Variants in MN1 observed in about 807,000 individuals in gnomAD.
MN1 encodes the protein transcriptional activator MN1.
In MN1, 19 loss-of-function variants were observed where a neutral mutation model predicts 86.9. That is an observed-to-expected ratio of 0.22 (90% CI 0.15 to 0.32). The LOEUF (loss-of-function observed/expected upper bound fraction) is 0.32, where lower values mean the gene tolerates loss of function less well. Ranked by LOEUF, MN1 falls within the 10% of genes least tolerant of loss-of-function variation. The probability of loss-of-function intolerance (pLI) is 1.00; values close to 1 mark genes in which losing one functional copy is unlikely to be tolerated. For missense variants in MN1, 1,841 were observed against 1,862.0 expected (o/e 0.99, Z 0.21); for synonymous variants, 928 against 849.6 (o/e 1.09, Z -1.60).
At chr22:27,781,023 C>A (rs1215680427) in intron 1 of MN1, among the ~76,000 whole-genome samples, 1 of 152,140 alleles carries the variant, frequency 6.6e-6, no homozygotes, top group Non-Finnish European at 1.5e-5. Flanking sequence ...CTCAACCTCC[C>A]AAGCTCAGAT....
chr22:27,784,456 G>A (rs1239175061), intron 1 of MN1, among the ~76,000 whole-genome samples: 2 of 152,220 alleles, frequency 1.3e-5, no homozygotes, highest in African/African-American at 4.8e-5. Context: ...AGACGCAGAG[G>A]AGGGAAGGTA....
intron 1 of MN1, among the ~76,000 whole-genome samples, chr22:27,764,366 G>C (rs939283997): frequency 1.3e-5 from 2 of 152,156 alleles, no homozygotes; most frequent in Non-Finnish European, 2.9e-5. Context: ...GGCTGGCCAG[G>C]TGCCCAAGGC....
At chr22:27,760,508 C>T (rs938697190) in intron 1 of MN1, among the ~76,000 whole-genome samples, 38 of 134,642 alleles carry the variant, frequency 2.8e-4, no homozygotes, top group African/African-American at 1.3e-3. Context: ...GACCCTGTCT[C>T]TAAAAAAAAT....
At position 27,799,055 on chromosome 22, in the gene MN1, C is replaced by T; in HGVS notation, c.1489G>A (p.Glu497Lys). 3 of 1,611,154 alleles carry T rather than the reference C, an allele frequency of 1.9e-6. No homozygotes were observed. Among genetic ancestry groups the T allele is most frequent in the East Asian group, 2.2e-5 (1 of 44,810 alleles). Residue 497 changes from glutamate (E) to lysine (K), a missense_variant, in exon 1 of 2, where the codon GAG (glutamate) becomes AAG (lysine). By Grantham distance (56) the Glu-to-Lys change is moderately conservative. Coordinates refer to ENST00000302326, the MANE Select transcript of MN1 (RefSeq NM_002430.3). ...CTGTCGGGCACAGGCGGTGTGAACTCGCCGGGTAGGCCTGGGTAGGCGGAA... is the reference window on the plus strand; with the variant it reads ...CTGTCGGGCACAGGCGGTGTGAACTTGCCGGGTAGGCCTGGGTAGGCGGAA... ...SPSAYPGLPGEFTPPVPDSFP... is the reference protein window; with the variant it reads ...SPSAYPGLPGKFTPPVPDSFP...
At chr22:27,794,682 TG>T (rs1179943195) in intron 1 of MN1, among the ~76,000 whole-genome samples, 1 of 152,160 alleles carries the variant, frequency 6.6e-6, no homozygotes, top group Non-Finnish European at 1.5e-5. Context: ...GGAAAGGGGA[TG>T]GGGAGAGACA....
At chr22:27,788,619 C>CTTT (rs202009006) in intron 1 of MN1, among the ~76,000 whole-genome samples, 2 of 143,022 alleles carry the variant, frequency 1.4e-5, no homozygotes, top group African/African-American at 2.6e-5. Flanking sequence ...AGGGTCATAT[C>CTTT]TTTTTTTTTT....
chr22:27,753,117 G>A (rs533262885), intron 1 of MN1, among the ~76,000 whole-genome samples: 17 of 152,326 alleles, frequency 1.1e-4, no homozygotes, highest in East Asian at 5.8e-4. Flanking sequence ...GGGAGGAGCC[G>A]GAGCTGGGCA....
At position 27,800,129 on chromosome 22, in the gene MN1, C is replaced by CGCCGCCGTAGCCGAGCAGGCG; in HGVS notation, c.394_414dup (p.Arg132_Gly138dup). 4 of 1,563,046 alleles carry CGCCGCCGTAGCCGAGCAGGCG rather than the reference C, an allele frequency of 2.6e-6. No individual in the cohort carries two copies. Among genetic ancestry groups the CGCCGCCGTAGCCGAGCAGGCG allele is most frequent in the Non-Finnish European group, 3.4e-6 (4 of 1,160,690 alleles). On this transcript the variant is annotated inframe_insertion, in exon 1 of 2. Coordinates refer to ENST00000302326, the MANE Select transcript of MN1 (RefSeq NM_002430.3). The stretch of plus-strand genomic sequence containing the variant: ...GGCTGGCTGCCCAGGCCTCCGGCTG[C>CGCCGCCGTAGCCGAGCAGGCG]GCCGCCGTAGCCGAGCAGGCGACCC...
chr22:27,759,793 T>G (rs754549920), intron 1 of MN1, among the ~76,000 whole-genome samples: 1 of 152,244 alleles, frequency 6.6e-6, no homozygotes, highest in Non-Finnish European at 1.5e-5. Context: ...TCTGTCACCT[T>G]GCTTGCTGTG....
Position 27,797,688 on chromosome 22 carries a change from G to T in MN1, c.2856C>A (p.His952Gln). The change falls in exon 1 of 2, where the codon CAC (histidine) becomes CAA (glutamine). Residue 952 changes from histidine (H) to glutamine (Q), a missense_variant. Coordinates refer to ENST00000302326, the MANE Select transcript of MN1 (RefSeq NM_002430.3). The stretch of plus-strand genomic sequence containing the variant: ...TGTCAAAGAAGGTGCCAGGGCTCAC[G>T]TGACCACTGTCCCTTTTTCTGCGAC... Reference protein sequence around the residue: ...GRGRRKRDSGHVSPGTFFDKY... With the variant: ...GRGRRKRDSGQVSPGTFFDKY... The T allele has an allele frequency of 1.2e-6, 2 of 1,608,720 alleles. No homozygotes were observed. Among genetic ancestry groups the T allele is most frequent in the Non-Finnish European group, 1.7e-6 (2 of 1,178,154 alleles).
At chr22:27,770,820 GCTA>G (rs377081471) in intron 1 of MN1, among the ~76,000 whole-genome samples, 193 of 151,746 alleles carry the variant, frequency 1.3e-3, no homozygotes, top group African/African-American at 4.5e-3. Flanking sequence ...ACCATGCCTG[GCTA>G]CTTTTTTTTT....
chr22:27,750,879 G>T lies in MN1; in HGVS notation c.*36C>A. The stretch of plus-strand genomic sequence containing the variant: ...GGGAAGGAAACAGACAGGGGGAGAG[G>T]AAGGGCCTGGTAGAGGAGGGGATCT... On this transcript the variant is annotated 3_prime_UTR_variant, in exon 2 of 2. Transcript: ENST00000302326. 3 of 1,528,354 alleles carry T rather than the reference G, an allele frequency of 2.0e-6. No individual in the cohort carries two copies. The highest frequency in any genetic ancestry group is 2.7e-6 in the Non-Finnish European group (3 of 1,126,246). The allele number at this position is 1,528,354 out of a possible 1,614,324, so 94.7% of individuals were successfully genotyped here. A position where few individuals can be genotyped will look rare whatever the true frequency, so the allele number is the denominator to read the frequency against.
chr22:27,799,731 C>A lies in MN1; in HGVS notation c.813G>T (p.Pro271=). The stretch of plus-strand genomic sequence containing the variant: ...CAGCTCTGGGCATGGCCGAGGCGCC[C>A]GGGAAAGCGCCCCCAGGAACCTGGC... The part of the protein sequence containing the change: ...AGRQVPGGAF[P]GASAMPRAAG... Residue 271 remains proline, a synonymous_variant, in exon 1 of 2, where the codon CCG becomes CCT. Coordinates refer to ENST00000302326, the MANE Select transcript of MN1 (RefSeq NM_002430.3). 1 of 1,578,226 alleles carries A rather than the reference C, an allele frequency of 6.3e-7. No homozygotes were observed. The highest frequency in any genetic ancestry group is 1.8e-5 in the Admixed American group (1 of 55,064).
intron 1 of MN1, among the ~76,000 whole-genome samples, chr22:27,796,423 T>G (rs1342926022): frequency 7.9e-6 from 1 of 127,328 alleles, no homozygotes; most frequent in African/African-American, 3.0e-5. Flanking sequence ...GGGGTCTTAG[T>G]GTGAAAGGGA....
chr22:27,763,769 T>A (rs770205589), intron 1 of MN1, among the ~76,000 whole-genome samples: 34 of 152,182 alleles, frequency 2.2e-4, no homozygotes, highest in Non-Finnish European at 3.7e-4. Flanking sequence ...TTCCACCACC[T>A]TCCAGAGCTC....
chr22:27,790,284 T>C (rs538569361), intron 1 of MN1, among the ~76,000 whole-genome samples: 1 of 152,354 alleles, frequency 6.6e-6, no homozygotes, highest in East Asian at 1.9e-4. Context: ...TTTTGCCCCC[T>C]GAAGCGCACA....
Position 27,799,441 on chromosome 22 carries a change from A to G in MN1, c.1103T>C (p.Leu368Pro), listed in dbSNP as rs1933387285. Residue 368 changes from leucine (L) to proline (P), a missense_variant, in exon 1 of 2, where the codon CTA becomes CCA. Coordinates refer to ENST00000302326, the MANE Select transcript of MN1 (RefSeq NM_002430.3). Reference protein sequence around the residue: ...QQQPPPPPGLLVRQNSCPPAL... With the variant: ...QQQPPPPPGLPVRQNSCPPAL... ...AGGCGGGCACGAATTTTGTCGGACT[A>G]GAAGCCCGGGTGGCGGCGGCGGCTG... The G allele has an allele frequency of 6.8e-7, 1 of 1,469,694 alleles. No individual in the cohort carries two copies. The highest frequency in any genetic ancestry group is 9.0e-7 in the Non-Finnish European group (1 of 1,114,032). 91.0% of individuals were successfully genotyped at this position (1,469,694 alleles called of 1,614,324 possible).
intron 1 of MN1, among the ~76,000 whole-genome samples, chr22:27,789,437 C>T (rs147094388): frequency 6.6e-6 from 1 of 152,088 alleles, no homozygotes; most frequent in African/African-American, 2.4e-5. Flanking sequence ...TGGGGGAGTC[C>T]AAGATTTTCC....
At chr22:27,765,858 G>T (rs1016714381) in intron 1 of MN1, among the ~76,000 whole-genome samples, 1 of 152,178 alleles carries the variant, frequency 6.6e-6, no homozygotes, top group Admixed American at 6.5e-5. Context: ...ACGGGGAGCA[G>T]CAGGAGGTGG....
Sources: allele counts gnomAD v4.1 joint callset (sites outside exome capture counted in the v4.1 genomes callset), GRCh38; gene constraint gnomAD v4.1.1; transcripts MANE v1.5; gene names NCBI Gene and HGNC (gene_info 2026-07-23, HGNC 2026-07-21).